Variants in UBE2K observed in about 807,000 individuals in gnomAD.
The protein encoded by UBE2K is ubiquitin conjugating enzyme E2 K.
UBE2K carries 6 observed loss-of-function variants against 30.0 expected under a neutral mutation model. The observed-to-expected ratio is 0.20, with a 90% confidence interval of 0.11 to 0.39. The LOEUF (loss-of-function observed/expected upper bound fraction) is 0.39, where lower values mean the gene tolerates loss of function less well. Among genes scored for constraint, UBE2K ranks in the 10% least tolerant of loss-of-function variants. The pLI is 1.00. For synonymous variants in UBE2K, 86 were observed against 83.7 expected, an observed-to-expected ratio of 1.03 and a Z score of -0.15; for missense variants, 61 against 241.6, an observed-to-expected ratio of 0.25 and a Z score of 4.96.
intron 1 of UBE2K, chr4:39,714,550 A>ATATATATATATTTTTTTTTTTTTTTT: frequency 5.6e-5 from 1 of 17,852 alleles, no homozygotes; most frequent in African/African-American, 2.5e-4. Context: ...ATATATATAT[A>ATATATATATATTTTTTTTTTTTTTTT]TTTTTTTTTT....
chr4:39,728,257 GTTTGT>G (rs1324723577), intron 1 of UBE2K, among the ~76,000 whole-genome samples: 1 of 152,166 alleles, frequency 6.6e-6, no homozygotes, highest in Non-Finnish European at 1.5e-5. Context: ...AAGCACGTAA[GTTTGT>G]TTTAAGATTG....
At chr4:39,769,456 A>G (rs568437884) in intron 4 of UBE2K, among the ~76,000 whole-genome samples, 5 of 129,114 alleles carry the variant, frequency 3.9e-5, no homozygotes, top group African/African-American at 1.5e-4. Context: ...CCCAATATCT[A>G]TCCAGGATGT....
At chr4:39,725,001 A>G (rs757793870) in intron 1 of UBE2K, among the ~76,000 whole-genome samples, 22 of 152,110 alleles carry the variant, frequency 1.4e-4, no homozygotes, top group Admixed American at 6.6e-4. Flanking sequence ...TGAGACATGC[A>G]GTTATATATT....
At chr4:39,706,981 ACTG>A (rs1171710654) in intron 1 of UBE2K, among the ~76,000 whole-genome samples, 1 of 152,036 alleles carries the variant, frequency 6.6e-6, no homozygotes, top group African/African-American at 2.4e-5. Context: ...ATCTCGGCTC[ACTG>A]CAGCCTCCGC....
At chr4:39,736,179 T>C (rs1720368229) in intron 1 of UBE2K, among the ~76,000 whole-genome samples, 2 of 151,946 alleles carry the variant, frequency 1.3e-5, no homozygotes, top group Non-Finnish European at 2.9e-5. Flanking sequence ...AATGAAGATA[T>C]AGGCCGGGCA....
At chr4:39,741,284 G>A (rs1720690971) in intron 2 of UBE2K, among the ~76,000 whole-genome samples, 1 of 151,892 alleles carries the variant, frequency 6.6e-6, no homozygotes, top group African/African-American at 2.4e-5. Context: ...AAAAAAAAGT[G>A]CTTATTTCTG....
intron 3 of UBE2K, among the ~76,000 whole-genome samples, chr4:39,754,045 AGAGT>A (rs1721406575): frequency 6.6e-6 from 1 of 152,106 alleles, no homozygotes; most frequent in Non-Finnish European, 1.5e-5. Context: ...AAAGAGAGAG[AGAGT>A]GGGCCCACAT....
intron 4 of UBE2K, chr4:39,771,501 C>T (rs1712837041): frequency 1.4e-6 from 2 of 1,459,722 alleles, no homozygotes; most frequent in African/African-American, 1.4e-5. Context: ...CCCTATTTTC[C>T]CCACCCCCGC....
chr4:39,779,304 A>C lies in UBE2K; in HGVS notation c.*870A>C. 1 of 152,248 alleles carries C rather than the reference A, an allele frequency of 6.6e-6. No individual in the cohort carries two copies. The highest frequency in any genetic ancestry group is 1.5e-5 in the Non-Finnish European group (1 of 68,040). 9.4% of individuals were successfully genotyped at this position (152,248 alleles called of 1,614,324 possible). A position where few individuals can be genotyped will look rare whatever the true frequency, so the allele number is the denominator to read the frequency against. Reference sequence around the variant, plus strand: ...ATTCCCAGGTTTAATGAAAGAACCCAACTTAGTTTTTCAGTGAATTTGACA... The same window carrying C: ...ATTCCCAGGTTTAATGAAAGAACCCCACTTAGTTTTTCAGTGAATTTGACA... On this transcript the variant is annotated 3_prime_UTR_variant, in exon 7 of 7. Coordinates refer to ENST00000261427, the MANE Select transcript of UBE2K (RefSeq NM_005339.5).
intron 2 of UBE2K, among the ~76,000 whole-genome samples, chr4:39,739,684 A>T (rs868711058): frequency 1.1e-4 from 16 of 152,090 alleles, no homozygotes; most frequent in South Asian, 6.2e-4. Flanking sequence ...TGACCTTGTG[A>T]TCTGCCCACC....
chr4:39,768,843 T>A (rs181536475), intron 4 of UBE2K, among the ~76,000 whole-genome samples: 3 of 152,278 alleles, frequency 2.0e-5, no homozygotes, highest in Admixed American at 2.0e-4. Context: ...CTAGGTGATA[T>A]CTCATTTTGG....
intron 2 of UBE2K, among the ~76,000 whole-genome samples, chr4:39,741,292 C>T (rs1013708362): frequency 6.6e-6 from 1 of 150,984 alleles, no homozygotes; most frequent in African/African-American, 2.5e-5. Context: ...GTGCTTATTT[C>T]TGCTGCTGCT....
At chr4:39,736,513 G>A (rs1051770803) in intron 1 of UBE2K, among the ~76,000 whole-genome samples, 17 of 152,196 alleles carry the variant, frequency 1.1e-4, no homozygotes, top group Admixed American at 2.0e-4. Flanking sequence ...TTAAAAAATC[G>A]AGAGGATTTA....
intron 4 of UBE2K, among the ~76,000 whole-genome samples, chr4:39,765,946 C>T (rs990967955): frequency 3.0e-5 from 4 of 133,640 alleles, no homozygotes; most frequent in African/African-American, 8.9e-5. Flanking sequence ...CATACACACA[C>T]ACACATACAC....
intron 1 of UBE2K, chr4:39,714,546 A>ATTTTTTTTTTTTTTTT (rs879776892): frequency 4.0e-4 from 10 of 25,282 alleles, no homozygotes; most frequent in Non-Finnish European, 5.6e-4. Context: ...ATATATATAT[A>ATTTTTTTTTTTTTTTT]TATATTTTTT....
At chr4:39,768,731 G>A (rs1017635509) in intron 4 of UBE2K, among the ~76,000 whole-genome samples, 1 of 152,118 alleles carries the variant, frequency 6.6e-6, no homozygotes, top group Non-Finnish European at 1.5e-5. Flanking sequence ...CATAATGGTT[G>A]TACTAATTTG....
intron 2 of UBE2K, among the ~76,000 whole-genome samples, chr4:39,741,304 C>T (rs1720692568): frequency 6.6e-6 from 1 of 151,944 alleles, no homozygotes; most frequent in South Asian, 2.1e-4. Flanking sequence ...GCTGCTGCTG[C>T]TGCTAAATGA....
intron 4 of UBE2K, chr4:39,771,490 C>G (rs1277679815): frequency 1.0e-5 from 15 of 1,479,248 alleles, no homozygotes; most frequent in Admixed American, 4.8e-5. Context: ...TTTTTTTAAT[C>G]CCCTATTTTC....
intron 2 of UBE2K, among the ~76,000 whole-genome samples, 161 bp from the exon 3 acceptor site, chr4:39,745,591 T>A (rs1012808017): frequency 1.3e-5 from 2 of 152,230 alleles, no homozygotes; most frequent in African/African-American, 2.4e-5. Flanking sequence ...ACCTTTAAAT[T>A]AAAAACTAGT....
Sources: allele counts gnomAD v4.1 joint callset (sites outside exome capture counted in the v4.1 genomes callset), GRCh38; gene constraint gnomAD v4.1.1; transcripts MANE v1.5; gene names NCBI Gene and HGNC (gene_info 2026-07-23, HGNC 2026-07-21).